The following SP140L variants were observed in gnomAD, a reference collection of about 807,000 sequenced individuals.
The protein encoded by SP140L is nuclear body protein SP140-like protein.
A neutral mutation model predicts 84.3 loss-of-function variants in SP140L; 64 were observed. That is an observed-to-expected ratio of 0.76 (90% CI 0.62 to 0.94). The LOEUF (loss-of-function observed/expected upper bound fraction) is 0.94, where lower values mean the gene tolerates loss of function less well. Among genes scored for constraint, SP140L ranks in the 40% least tolerant of loss-of-function variants. The probability of loss-of-function intolerance (pLI) is 0.00; values close to 1 mark genes in which losing one functional copy is unlikely to be tolerated. For synonymous variants in SP140L, 242 were observed against 236.9 expected (o/e 1.02, Z -0.20); for missense variants, 628 against 692.5 (o/e 0.91, Z 1.05).
chr2:230,359,153 C>T (rs1442532379), intron 4 of SP140L, 21 bp downstream of exon 4: 2 of 1,598,716 alleles, frequency 1.3e-6, no homozygotes, highest in Non-Finnish European at 1.7e-6. Context: ...TTATTATCTA[C>T]CTTTTGATTT....
chr2:230,328,759 G>T lies in SP140L; in HGVS notation c.35G>T (p.Gly12Val), dbSNP rs762830775. ...ATCCTGCCAAATTGTCTTTTTAGGG[G>T]GCTGAACGGAGGTGTTTCACAAGTA... ...AGGGSDLSTR[G>V]LNGGVSQVAN... The change falls in exon 2 of 19, where the codon GGG (glycine) becomes GTG (valine). Residue 12 changes from glycine (G) to valine (V), a missense_variant and splice_region_variant. Coordinates refer to ENST00000415673, the MANE Select transcript of SP140L (RefSeq NM_138402.6). 1.9e-6 allele frequency: 3 copies of T among 1,611,840 alleles called. No individual in the cohort carries two copies.
At chr2:230,351,196 A>G (rs1451349199) in intron 2 of SP140L, among the ~76,000 whole-genome samples, 1 of 152,206 alleles carries the variant, frequency 6.6e-6, no homozygotes, top group Non-Finnish European at 1.5e-5. Flanking sequence ...ATGTTGCCAA[A>G]TCTTTTCTGA....
intron 13 of SP140L, among the ~76,000 whole-genome samples, chr2:230,393,977 T>C (rs1295455002): frequency 6.6e-6 from 1 of 152,244 alleles, no homozygotes; most frequent in Non-Finnish European, 1.5e-5. Flanking sequence ...TCTTTTCTGA[T>C]CTTTCACATC....
chr2:230,327,328 C>T (rs775573713), intron 1 of SP140L, 27 bp downstream of exon 1: 38 of 1,604,618 alleles, frequency 2.4e-5, no homozygotes, highest in Non-Finnish European at 3.0e-5. Context: ...CTTCCTTTCA[C>T]CTTTATCTCT....
In SP140L at chr2:230,362,313, G is replaced by C. The variant is rs562125327; in HGVS notation, c.523+616G>C. On this transcript the variant is annotated intron_variant, in intron 5 of 18. Coordinates refer to ENST00000415673, the MANE Select transcript of SP140L (RefSeq NM_138402.6). ...CTTTCATCACTTAGGATGTTTCAAGGGTTTTAGGAGCTCTGGCCAGGAGCA... is the reference window on the plus strand; with the variant it reads ...CTTTCATCACTTAGGATGTTTCAAGCGTTTTAGGAGCTCTGGCCAGGAGCA... Among the ~76,000 whole-genome samples the C allele has an allele frequency of 3.3e-5, 5 of 152,254 alleles. No homozygotes were observed. In the East Asian group the frequency reaches 5.8e-4, roughly 18 times the overall value.
At chr2:230,371,761 G>A in intron 7 of SP140L, 110 bp downstream of exon 7, 1 of 1,063,074 alleles carries the variant, frequency 9.4e-7, no homozygotes, top group South Asian at 1.4e-5. Flanking sequence ...CAATACTGTG[G>A]TAGAGAGAAT....
chr2:230,384,606 A>G (rs1575521850), intron 8 of SP140L, among the ~76,000 whole-genome samples: 1 of 152,204 alleles, frequency 6.6e-6, no homozygotes, highest in Non-Finnish European at 1.5e-5. Flanking sequence ...AAGTGGTTGC[A>G]TTTATTTTAA....
At chr2:230,345,669 T>C (rs2149704003) in intron 2 of SP140L, among the ~76,000 whole-genome samples, 1 of 152,160 alleles carries the variant, frequency 6.6e-6, no homozygotes, top group Middle Eastern at 3.4e-3. Context: ...TCCTTTCTCC[T>C]TTGTGGTTAC....
intron 7 of SP140L, among the ~76,000 whole-genome samples, chr2:230,376,896 C>T (rs1471050894): frequency 1.3e-5 from 2 of 151,980 alleles, no homozygotes; most frequent in African/African-American, 4.8e-5. Flanking sequence ...AATAGGGAAC[C>T]CGGAAATAAA....
intron 9 of SP140L, 116 bp downstream of exon 9, chr2:230,385,420 A>G (rs1575524066): frequency 2.2e-6 from 2 of 929,990 alleles, no homozygotes; most frequent in Admixed American, 2.8e-5. Context: ...ATTTCAGAGC[A>G]GTGAAATCTA....
intron 5 of SP140L, among the ~76,000 whole-genome samples, chr2:230,368,861 T>G (rs2060968216): frequency 6.6e-6 from 1 of 152,262 alleles, no homozygotes; most frequent in African/African-American, 2.4e-5. Flanking sequence ...TCTTCCTGAT[T>G]TCAGTGAATT....
intron 4 of SP140L, among the ~76,000 whole-genome samples, chr2:230,361,081 C>T (rs1334848555): frequency 2.0e-5 from 3 of 152,178 alleles, no homozygotes; most frequent in African/African-American, 7.2e-5. Context: ...TTCTGAGTAG[C>T]TGGGACCACA....
intron 3 of SP140L, among the ~76,000 whole-genome samples, 197 bp downstream of exon 3, chr2:230,358,164 A>G (rs1000015595): frequency 6.6e-6 from 1 of 152,196 alleles, no homozygotes; most frequent in African/African-American, 2.4e-5. Flanking sequence ...TGGAACGGAA[A>G]CAGCTGTTCT....
chr2:230,336,927 GCT>G (rs1330180069), intron 2 of SP140L, among the ~76,000 whole-genome samples: 1 of 152,228 alleles, frequency 6.6e-6, no homozygotes, highest in East Asian at 1.9e-4. Flanking sequence ...TTGCCACAGA[GCT>G]CTCTTTTATT....
In SP140L at chr2:230,347,020, G is replaced by T. The variant is rs561461932; in HGVS notation, c.108-10785G>T. ...AACCTCTTCCAACCTTTATAGGTTT[G>T]CTTTGGCATGGAAAGCCCTTTAGTA... On this transcript the variant is annotated intron_variant, in intron 2 of 18. Coordinates refer to ENST00000415673, the MANE Select transcript of SP140L (RefSeq NM_138402.6). 5.3e-5 allele frequency among the ~76,000 whole-genome samples: 8 copies of T among 152,288 alleles called. No homozygotes were observed. The East Asian group carries it at 5.8e-4, about 11-fold the overall frequency.
At chr2:230,378,402 A>G (rs1027474786) in intron 7 of SP140L, among the ~76,000 whole-genome samples, 1 of 152,172 alleles carries the variant, frequency 6.6e-6, no homozygotes, top group Non-Finnish European at 1.5e-5. Context: ...AGGCAGTCAG[A>G]AGGAGAAAGG....
chr2:230,354,925 G>GAAAAAA (rs1254953808), intron 2 of SP140L, among the ~76,000 whole-genome samples: 3 of 142,074 alleles, frequency 2.1e-5, no homozygotes, highest in African/African-American at 7.7e-5. Flanking sequence ...GAAAAAGAAA[G>GAAAAAA]AAAAAAGAAA....
Position 230,389,906 on chromosome 2 carries a change from T to A in SP140L, c.860-13T>A. 1 of 1,612,730 alleles carries A rather than the reference T, an allele frequency of 6.2e-7. No homozygotes were observed. ...TGCAAAGTGAGACAGAATGAAGAAATCCTCTCTTTCAGCTTCAAGAAAGCA... is the reference window on the plus strand; with the variant it reads ...TGCAAAGTGAGACAGAATGAAGAAAACCTCTCTTTCAGCTTCAAGAAAGCA... On this transcript the variant is annotated splice_polypyrimidine_tract_variant and intron_variant, in intron 10 of 18. Coordinates refer to ENST00000415673, the MANE Select transcript of SP140L (RefSeq NM_138402.6).
intron 2 of SP140L, among the ~76,000 whole-genome samples, chr2:230,330,339 C>G (rs557630631): frequency 6.6e-6 from 1 of 152,298 alleles, no homozygotes; most frequent in East Asian, 1.9e-4. Flanking sequence ...TTTCTGTGTT[C>G]TCTCTTCTCT....
Sources: gnomAD v4.1 joint callset for allele counts (sites outside exome capture counted in the v4.1 genomes callset) on GRCh38, gnomAD v4.1.1 for gene constraint, MANE v1.5 for transcripts, NCBI Gene and HGNC (gene_info 2026-07-23, HGNC 2026-07-21) for gene names.